The following GALNT18 variants were observed in gnomAD, a reference collection of about 807,000 sequenced individuals.
GALNT18 encodes GalNAc-transferase 18.
A neutral mutation model predicts 69.5 loss-of-function variants in GALNT18; 44 were observed. The ratio of observed to expected loss-of-function variants is 0.63; its 90% CI spans 0.50 to 0.81. The LOEUF is 0.81. Ranked by LOEUF, GALNT18 falls within the 40% of genes least tolerant of loss-of-function variation. The probability of loss-of-function intolerance (pLI) is 0.00; values close to 1 mark genes in which losing one functional copy is unlikely to be tolerated. For missense variants in GALNT18, 715 were observed against 810.0 expected, an observed-to-expected ratio of 0.88 and a Z score of 1.42; for synonymous variants, 364 against 318.2, an observed-to-expected ratio of 1.14 and a Z score of -1.53.
intron 1 of GALNT18, among the ~76,000 whole-genome samples, chr11:11,609,181 C>A (rs1223404599): frequency 2.0e-5 from 3 of 152,234 alleles, no homozygotes; most frequent in Non-Finnish European, 4.4e-5. Context: ...TGCTCACCCC[C>A]TCTGGTAGCT....
At chr11:11,298,107 C>T (rs1849432754) in intron 9 of GALNT18, among the ~76,000 whole-genome samples, 1 of 152,202 alleles carries the variant, frequency 6.6e-6, no homozygotes, top group African/African-American at 2.4e-5. Flanking sequence ...GTTCTCCTGA[C>T]TCTGTCCCTC....
rs138891186 is a variant in GALNT18 at position 11,618,459 on chromosome 11, G to C, written c.235+2900C>G. On this transcript the variant is annotated intron_variant, in intron 1 of 10. Coordinates refer to ENST00000227756, the MANE Select transcript of GALNT18 (RefSeq NM_198516.3). The surrounding 1 kb of genome is among the most constrained non-coding windows in gnomAD (Gnocchi z 6.1). Reference sequence around the variant, plus strand: ...CTTGGCATGAAACAAAGCAAAACCTGAGTTTATCTATGGAGTTTCCAAGTG... The same window carrying C: ...CTTGGCATGAAACAAAGCAAAACCTCAGTTTATCTATGGAGTTTCCAAGTG... Among the ~76,000 whole-genome samples the C allele has an allele frequency of 1.2e-3, 178 of 152,310 alleles. No homozygotes were observed. The highest frequency in any genetic ancestry group is 4.2e-3 in the African/African-American group (174 of 41,570).
chr11:11,514,510 A>G (rs1282097443), intron 1 of GALNT18, among the ~76,000 whole-genome samples: 1 of 152,182 alleles, frequency 6.6e-6, no homozygotes, highest in Admixed American at 6.5e-5. Context: ...TACACAGAGG[A>G]ATCAGTTTTC....
chr11:11,466,741 A>AT lies in GALNT18; in HGVS notation c.236-17806dup, dbSNP rs1590028284. On this transcript the variant is annotated intron_variant, in intron 1 of 10. Coordinates refer to ENST00000227756, the MANE Select transcript of GALNT18 (RefSeq NM_198516.3). ...TCAGGGGAAACGATGAGGCCAAGGCATTTTTTCTATCAGAGAGGTTGGAGG... is the reference window on the plus strand; with the variant it reads ...TCAGGGGAAACGATGAGGCCAAGGCATTTTTTTCTATCAGAGAGGTTGGAGG... Among the ~76,000 whole-genome samples, 4 of 152,304 alleles carry AT rather than the reference A, an allele frequency of 2.6e-5. No individual in the cohort carries two copies. The Middle Eastern group carries it at 0.01, about 389-fold the overall frequency.
intron 1 of GALNT18, among the ~76,000 whole-genome samples, chr11:11,507,928 G>C (rs1857097023): frequency 6.6e-6 from 1 of 152,188 alleles, no homozygotes; most frequent in Non-Finnish European, 1.5e-5. Flanking sequence ...TCCTGCCCTT[G>C]AACATTGGAC....
chr11:11,420,050 A>G (rs1834946163), intron 3 of GALNT18, among the ~76,000 whole-genome samples: 1 of 152,108 alleles, frequency 6.6e-6, no homozygotes, highest in Non-Finnish European at 1.5e-5. Context: ...GAGGAGAGAC[A>G]GTTCCTGAAA....
At chr11:11,512,169 C>T (rs899222799) in intron 1 of GALNT18, among the ~76,000 whole-genome samples, 2 of 152,128 alleles carry the variant, frequency 1.3e-5, no homozygotes, top group East Asian at 1.9e-4. Context: ...CATCTGAAAC[C>T]GCCTGCCCCC....
chr11:11,286,031 C>A lies in GALNT18; in HGVS notation c.1677+6998G>T, dbSNP rs940021085. 3.9e-5 allele frequency among the ~76,000 whole-genome samples: 6 copies of A among 152,222 alleles called. No homozygotes were observed. In the East Asian group the frequency reaches 1.2e-3, roughly 30 times the overall value. On this transcript the variant is annotated intron_variant, in intron 10 of 10. Transcript: ENST00000227756. Reference sequence around the variant, plus strand: ...ATCTCTGTGGCTATCCGCAACGTTCCCCACTTGGAAAATGCATCAGCGCTG... The same window carrying A: ...ATCTCTGTGGCTATCCGCAACGTTCACCACTTGGAAAATGCATCAGCGCTG...
At position 11,582,842 on chromosome 11, in the gene GALNT18, G is replaced by C. The variant is rs1463451331; in HGVS notation, c.235+38517C>G. On this transcript the variant is annotated intron_variant, in intron 1 of 10. Coordinates refer to ENST00000227756, the MANE Select transcript of GALNT18 (RefSeq NM_198516.3). The surrounding 1 kb of genome is among the most constrained non-coding windows in gnomAD (Gnocchi z 5.0). ...TACTCTAGTTGTTGAGTGAAGAACG[G>C]ACCCACATCAGCTGCACCTCTTTCT... Among the ~76,000 whole-genome samples, 1 of 152,122 alleles carries C rather than the reference G, an allele frequency of 6.6e-6. No individual in the cohort carries two copies. The highest frequency in any genetic ancestry group is 1.5e-5 in the Non-Finnish European group (1 of 68,026).
At chr11:11,328,692 A>G (rs1351777734) in intron 8 of GALNT18, among the ~76,000 whole-genome samples, 2 of 152,220 alleles carry the variant, frequency 1.3e-5, no homozygotes, top group East Asian at 1.9e-4. Flanking sequence ...AGCCCCCAGT[A>G]GCATTTCTGC....
At chr11:11,276,215 T>G (rs1339893910) in intron 10 of GALNT18, among the ~76,000 whole-genome samples, 1 of 152,210 alleles carries the variant, frequency 6.6e-6, no homozygotes, top group Non-Finnish European at 1.5e-5. Flanking sequence ...CCTTGAGCAG[T>G]GCTTTGTAGT....
chr11:11,381,935 CT>C (rs1215726946), intron 3 of GALNT18, among the ~76,000 whole-genome samples: 2 of 152,216 alleles, frequency 1.3e-5, no homozygotes, highest in African/African-American at 2.4e-5. Context: ...TAAACATTTT[CT>C]ATTGTTCTGG....
Position 11,620,666 on chromosome 11 carries a change from C to T in GALNT18, c.235+693G>A, listed in dbSNP as rs991417992. On this transcript the variant is annotated intron_variant, in intron 1 of 10. Transcript: ENST00000227756. The surrounding 1 kb of genome is among the most constrained non-coding windows in gnomAD (Gnocchi z 6.9). The stretch of plus-strand genomic sequence containing the variant: ...TGGGCGGAGTCATCACCACAGTGGA[C>T]AGAGACTCCAGCGCTACTTCCCGGC... 1.3e-5 allele frequency among the ~76,000 whole-genome samples: 2 copies of T among 152,144 alleles called. No individual in the cohort carries two copies. The highest frequency in any genetic ancestry group is 2.4e-5 in the African/African-American group (1 of 41,436).
At chr11:11,381,239 T>C (rs1021600684) in intron 3 of GALNT18, among the ~76,000 whole-genome samples, 5 of 152,220 alleles carry the variant, frequency 3.3e-5, no homozygotes, top group African/African-American at 1.2e-4. Flanking sequence ...TTCTCATATA[T>C]CCTTTTTGAA....
In GALNT18 at chr11:11,295,372, G is replaced by A. The variant is rs145159560; in HGVS notation, c.1513-2179C>T. Among the ~76,000 whole-genome samples the A allele has an allele frequency of 4.9e-3, 748 of 152,344 alleles. 8 individuals are homozygous for A. Among genetic ancestry groups the A allele is most frequent in the African/African-American group, 0.017 (696 of 41,576 alleles). On this transcript the variant is annotated intron_variant, in intron 9 of 10. Transcript: ENST00000227756. ...ACCACAAGGGATAGGATGATTCCCT[G>A]AGGAAAGTAACATGAAGCAGTTAGT...
At chr11:11,300,762 G>A (rs4910304) in intron 9 of GALNT18, among the ~76,000 whole-genome samples, 78,653 of 152,022 alleles carry the variant, frequency 0.52, 20,428 homozygotes, top group Middle Eastern at 0.59. Context: ...GCTAAGGCAG[G>A]GGTCTCCACC....
At chr11:11,308,225 A>G (rs1176896492) in intron 9 of GALNT18, among the ~76,000 whole-genome samples, 1 of 152,198 alleles carries the variant, frequency 6.6e-6, no homozygotes, top group Non-Finnish European at 1.5e-5. Context: ...TCGCCGTGTA[A>G]GCGATGGTGG....
chr11:11,282,798 GAT>G (rs1383818866), intron 10 of GALNT18, among the ~76,000 whole-genome samples: 1 of 152,164 alleles, frequency 6.6e-6, no homozygotes, highest in Admixed American at 6.5e-5. Flanking sequence ...AGGCCACTGA[GAT>G]ATATCAGTGA....
rs145098222 is a variant in GALNT18 at position 11,453,534 on chromosome 11, T to C, written c.236-4598A>G. Reference sequence around the variant, plus strand: ...CAGCCCTCTCCCCAGTTTTTACATATATAGTCTCTGATATGGTTTGGCTAC... The same window carrying C: ...CAGCCCTCTCCCCAGTTTTTACATACATAGTCTCTGATATGGTTTGGCTAC... On this transcript the variant is annotated intron_variant, in intron 1 of 10. Transcript: ENST00000227756. Among the ~76,000 whole-genome samples the C allele has an allele frequency of 1.6e-4, 25 of 152,270 alleles. No individual in the cohort carries two copies. The East Asian group carries it at 4.6e-3, about 28-fold the overall frequency.
Sources: allele counts gnomAD v4.1 joint callset (sites outside exome capture counted in the v4.1 genomes callset), GRCh38; gene constraint gnomAD v4.1.1; non-coding constraint Gnocchi (gnomAD v3.1); transcripts MANE v1.5; gene names NCBI Gene and HGNC (gene_info 2026-07-23, HGNC 2026-07-21).